Variants in TMEM108 observed in about 807,000 individuals in gnomAD.
TMEM108 encodes transmembrane protein 108, also known as cancer/testis antigen 124.
In TMEM108, 12 loss-of-function variants were observed where a neutral mutation model predicts 35.1. That is an observed-to-expected ratio of 0.34 (90% CI 0.22 to 0.55). The LOEUF (loss-of-function observed/expected upper bound fraction) is 0.55. TMEM108 is among the 20% of genes least tolerant of loss of function. The pLI, the probability that TMEM108 is intolerant of heterozygous loss-of-function variation, is 0.89. For synonymous variants in TMEM108, 287 were observed against 308.6 expected, an observed-to-expected ratio of 0.93 and a Z score of 0.73; for missense variants, 680 against 753.3, an observed-to-expected ratio of 0.90 and a Z score of 1.14.
chr3:133,101,933 T>A (rs1165326900), intron 2 of TMEM108, among the ~76,000 whole-genome samples: 4 of 152,222 alleles, frequency 2.6e-5, no homozygotes, highest in Non-Finnish European at 5.9e-5. Flanking sequence ...TATTTTCCAG[T>A]CTTGTATGGC....
intron 3 of TMEM108, among the ~76,000 whole-genome samples, chr3:133,309,991 C>T (rs1266791998): frequency 3.9e-5 from 6 of 152,108 alleles, no homozygotes; most frequent in South Asian, 2.1e-4. Flanking sequence ...TGAGCCACCG[C>T]GCCCGGCCTT....
intron 3 of TMEM108, among the ~76,000 whole-genome samples, chr3:133,284,435 C>G (rs1946957174): frequency 6.6e-6 from 1 of 152,222 alleles, no homozygotes; most frequent in South Asian, 2.1e-4. Flanking sequence ...GCCTACCTCT[C>G]TCAGGCAAAC....
chr3:133,188,744 C>A (rs1161226755), intron 2 of TMEM108, among the ~76,000 whole-genome samples: 1 of 152,028 alleles, frequency 6.6e-6, no homozygotes, highest in Non-Finnish European at 1.5e-5. Flanking sequence ...AATAAAAAGC[C>A]AAAATCTCAG....
At chr3:133,058,291 T>C (rs1180597790) in intron 2 of TMEM108, among the ~76,000 whole-genome samples, 1 of 152,214 alleles carries the variant, frequency 6.6e-6, no homozygotes, top group East Asian at 1.9e-4. Context: ...CTCTCCCCTG[T>C]TGTCTCAGGA....
At chr3:133,061,165 C>T (rs891630597) in intron 2 of TMEM108, among the ~76,000 whole-genome samples, 6 of 150,506 alleles carry the variant, frequency 4.0e-5, no homozygotes, top group Non-Finnish European at 4.4e-5. Flanking sequence ...AGTTTTGTTT[C>T]GGCATTTTGC....
chr3:133,361,135 A>AATCATTT (rs1374249793), intron 3 of TMEM108, among the ~76,000 whole-genome samples: 1 of 152,196 alleles, frequency 6.6e-6, no homozygotes, highest in African/African-American at 2.4e-5. Flanking sequence ...TAAACCTTGC[A>AATCATTT]ATCATTTCTG....
intron 2 of TMEM108, among the ~76,000 whole-genome samples, chr3:133,082,997 G>A (rs972486202): frequency 7.9e-5 from 12 of 151,888 alleles, no homozygotes; most frequent in East Asian, 7.7e-4. Flanking sequence ...CCCACTATAC[G>A]TCTAAAACAG....
intron 2 of TMEM108, among the ~76,000 whole-genome samples, chr3:133,220,144 C>A (rs1945968694): frequency 6.6e-6 from 1 of 150,394 alleles, no homozygotes; most frequent in South Asian, 2.1e-4. Flanking sequence ...GTATAGTTAC[C>A]CTGCTCTCTT....
rs374229821 is a variant in TMEM108 at position 133,067,014 on chromosome 3, A to G, written c.-47+20994A>G. On this transcript the variant is annotated intron_variant, in intron 2 of 5. Coordinates refer to ENST00000321871, the MANE Select transcript of TMEM108 (RefSeq NM_023943.4). ...ATAGTTCATTCATTTTCACTTGGGT[A>G]AACATGTACTACTTATCCATTTCCT... 2.7e-3 allele frequency among the ~76,000 whole-genome samples: 415 copies of G among 152,298 alleles called. 4 individuals carry two copies. The highest frequency in any genetic ancestry group is 0.017 in the Middle Eastern group (5 of 294).
intron 3 of TMEM108, among the ~76,000 whole-genome samples, chr3:133,251,231 C>G (rs1185947648): frequency 6.6e-6 from 1 of 152,130 alleles, no homozygotes; most frequent in East Asian, 1.9e-4. Flanking sequence ...ATATCCTGGG[C>G]ATATCCCTTA....
chr3:133,385,874 G>T (rs1217117998), intron 4 of TMEM108, among the ~76,000 whole-genome samples: 2 of 152,208 alleles, frequency 1.3e-5, no homozygotes, highest in Non-Finnish European at 2.9e-5. Context: ...CCTTCGAGAT[G>T]CAGGCACCAA....
At chr3:133,394,429 T>C (rs925638668) in intron 5 of TMEM108, among the ~76,000 whole-genome samples, 5 of 152,178 alleles carry the variant, frequency 3.3e-5, no homozygotes, top group African/African-American at 1.2e-4. Flanking sequence ...TCCTCCTCCT[T>C]CTCCCTGTTT....
chr3:133,173,454 G>A (rs541796359), intron 2 of TMEM108, among the ~76,000 whole-genome samples: 5 of 152,282 alleles, frequency 3.3e-5, no homozygotes, highest in Middle Eastern at 3.4e-3. Flanking sequence ...AGGTCAACCA[G>A]AAAACTGGGC....
intron 2 of TMEM108, among the ~76,000 whole-genome samples, chr3:133,081,825 G>A (rs534476232): frequency 6.6e-6 from 1 of 152,252 alleles, no homozygotes; most frequent in South Asian, 2.1e-4. Flanking sequence ...AAAAAGAAAG[G>A]AATCAAGTAC....
At chr3:133,386,631 CAG>C in intron 4 of TMEM108, 2 of 1,425,682 alleles carry the variant, frequency 1.4e-6, no homozygotes, top group East Asian at 2.5e-5. Context: ...TGACCTCCTC[CAG>C]AGTCTTGATG....
chr3:133,220,083 T>G (rs746370313), intron 2 of TMEM108, among the ~76,000 whole-genome samples: 2 of 57,454 alleles, frequency 3.5e-5, no homozygotes, highest in Non-Finnish European at 8.2e-5. Context: ...GTTTCTTCGG[T>G]TTTTTTTTTT....
intron 1 of TMEM108, among the ~76,000 whole-genome samples, chr3:133,044,864 C>T (rs191658432): frequency 1.1e-3 from 174 of 152,086 alleles, no homozygotes; most frequent in African/African-American, 4.0e-3. Flanking sequence ...GGCTGAGGTG[C>T]GAGGATCACT....
At chr3:133,180,567 A>G (rs960254014) in intron 2 of TMEM108, among the ~76,000 whole-genome samples, 1 of 152,154 alleles carries the variant, frequency 6.6e-6, no homozygotes, top group Non-Finnish European at 1.5e-5. Flanking sequence ...GAGAGAATCC[A>G]CAAAAAACCT....
At chr3:133,295,594 C>T (rs954773979) in intron 3 of TMEM108, among the ~76,000 whole-genome samples, 7 of 152,158 alleles carry the variant, frequency 4.6e-5, no homozygotes, top group African/African-American at 1.7e-4. Context: ...TGTGCAGTGA[C>T]TTGCCCAAAA....
Sources: allele counts gnomAD v4.1 joint callset (sites outside exome capture counted in the v4.1 genomes callset), GRCh38; gene constraint gnomAD v4.1.1; transcripts MANE v1.5; gene names NCBI Gene and HGNC (gene_info 2026-07-23, HGNC 2026-07-21).